MDGA2: variants seen among roughly 807,000 people sequenced by gnomAD.
MDGA2 encodes MAM domain-containing glycosylphosphatidylinositol anchor protein 2.
Under a neutral mutation model 117.8 loss-of-function variants are expected in MDGA2, and 40 were observed. The observed-to-expected ratio is 0.34, with a 90% CI of 0.26 to 0.44. The LOEUF (loss-of-function observed/expected upper bound fraction) is 0.44. MDGA2 is among the 20% of genes least tolerant of loss of function. MDGA2 has a pLI of 1.00. For synonymous variants in MDGA2, 452 were observed against 439.0 expected, an observed-to-expected ratio of 1.03 and a Z score of -0.37; for missense variants, 1,123 against 1,250.6, an observed-to-expected ratio of 0.90 and a Z score of 1.54.
At chr14:47,200,873 A>C in intron 3 of MDGA2, 1 of 859,506 alleles carries the variant, frequency 1.2e-6, no homozygotes, top group Non-Finnish European at 2.0e-6. Flanking sequence ...GATGCCGTCA[A>C]ACACCTTAAG....
chr14:47,397,716 G>C (rs1410307051), intron 1 of MDGA2, among the ~76,000 whole-genome samples: 1 of 151,944 alleles, frequency 6.6e-6, no homozygotes, highest in East Asian at 1.9e-4. Context: ...TGCAAACATA[G>C]AGATATTTAT....
chr14:47,190,178 G>A (rs1031701957), intron 3 of MDGA2, among the ~76,000 whole-genome samples: 3 of 152,112 alleles, frequency 2.0e-5, no homozygotes, highest in Admixed American at 6.6e-5. Flanking sequence ...TTTTGTTTCC[G>A]TATAGTTCCT....
chr14:46,994,228 A>G (rs2138446440), intron 8 of MDGA2, among the ~76,000 whole-genome samples: 1 of 152,196 alleles, frequency 6.6e-6, no homozygotes, highest in South Asian at 2.1e-4. Context: ...GAAGCCTCAC[A>G]CTCGGAACCC....
chr14:46,879,508 T>C (rs555427408), intron 11 of MDGA2, among the ~76,000 whole-genome samples: 2 of 151,838 alleles, frequency 1.3e-5, no homozygotes, highest in Non-Finnish European at 2.9e-5. Context: ...TATGCCTAAG[T>C]ATGTAAAAAC....
chr14:47,531,191 G>A (rs1330353628), intron 1 of MDGA2, among the ~76,000 whole-genome samples: 2 of 152,198 alleles, frequency 1.3e-5, no homozygotes, highest in Admixed American at 6.5e-5. Context: ...CTTGCAGTGA[G>A]CCAAGATCAT....
chr14:46,941,959 C>G (rs919379795), intron 9 of MDGA2, among the ~76,000 whole-genome samples: 4 of 152,174 alleles, frequency 2.6e-5, no homozygotes, highest in Admixed American at 6.6e-5. Flanking sequence ...CATTATTTTA[C>G]ACAGCAGTGA....
chr14:47,013,545 C>A (rs897010403), intron 8 of MDGA2, among the ~76,000 whole-genome samples: 1 of 151,584 alleles, frequency 6.6e-6, no homozygotes, highest in Non-Finnish European at 1.5e-5. Flanking sequence ...ATATTTTGAC[C>A]TCCTCTTATG....
chr14:47,575,805 A>G (rs896407544), intron 1 of MDGA2, among the ~76,000 whole-genome samples: 3 of 152,174 alleles, frequency 2.0e-5, no homozygotes, highest in Admixed American at 1.3e-4. Context: ...ACAATTTAAT[A>G]TTGTGCTTCT....
intron 8 of MDGA2, among the ~76,000 whole-genome samples, chr14:46,998,307 A>C (rs1388195364): frequency 2.0e-5 from 3 of 151,938 alleles, no homozygotes; most frequent in African/African-American, 7.2e-5. Flanking sequence ...AAAAAATAAT[A>C]ATTTATCTGT....
At chr14:47,322,671 A>G (rs1047262983) in intron 1 of MDGA2, among the ~76,000 whole-genome samples, 26 of 152,122 alleles carry the variant, frequency 1.7e-4, no homozygotes, top group African/African-American at 5.3e-4. Context: ...CTCAGATTCT[A>G]TTTACCATGT....
At chr14:47,206,811 C>A (rs575442378) in intron 3 of MDGA2, among the ~76,000 whole-genome samples, 2 of 151,972 alleles carry the variant, frequency 1.3e-5, no homozygotes, top group South Asian at 4.2e-4. Flanking sequence ...ATCACTTGAG[C>A]CCAGAAGTTC....
chr14:47,000,874 A>G (rs1015001311), intron 8 of MDGA2, among the ~76,000 whole-genome samples: 1 of 152,058 alleles, frequency 6.6e-6, no homozygotes, highest in African/African-American at 2.4e-5. Flanking sequence ...TTCTTTGATT[A>G]TTAAAGTAAG....
intron 8 of MDGA2, chr14:46,996,534 T>C (rs1887299509): frequency 6.6e-6 from 1 of 152,608 alleles, no homozygotes; most frequent in African/African-American, 2.4e-5. Flanking sequence ...TTGTACTCTG[T>C]ACCAGATCTC....
intron 8 of MDGA2, among the ~76,000 whole-genome samples, chr14:46,977,305 T>A (rs965397978): frequency 6.6e-6 from 1 of 151,768 alleles, no homozygotes; most frequent in African/African-American, 2.4e-5. Context: ...AAGGATGATA[T>A]GAATGGGAGG....
chr14:46,957,672 A>G, intron 8 of MDGA2, 29 bp from the exon 9 acceptor site: 1 of 1,611,138 alleles, frequency 6.2e-7, no homozygotes. Flanking sequence ...AAAACAGATG[A>G]AAGATGTGAC....
In MDGA2 at chr14:47,025,403, G is replaced by A. The variant is rs569135048; in HGVS notation, c.1819+9608C>T. 7.2e-5 allele frequency among the ~76,000 whole-genome samples: 11 copies of A among 152,192 alleles called. No homozygotes were observed. The South Asian group carries it at 1.9e-3, about 26-fold the overall frequency. On this transcript the variant is annotated intron_variant, in intron 8 of 16. Coordinates refer to ENST00000399232, the MANE Select transcript of MDGA2 (RefSeq NM_001113498.3). ...CTTGTAACTGGCATGTCTCTTCAAG[G>A]ACCCTGGAAATTCTGCCTATAGATT...
chr14:47,511,187 T>A (rs1894632999), intron 1 of MDGA2, among the ~76,000 whole-genome samples: 1 of 152,160 alleles, frequency 6.6e-6, no homozygotes, highest in Non-Finnish European at 1.5e-5. Flanking sequence ...AAACAAACCT[T>A]ACTATAATGA....
intron 7 of MDGA2, among the ~76,000 whole-genome samples, chr14:47,036,954 AT>A (rs1346861610): frequency 3.9e-5 from 6 of 152,238 alleles, no homozygotes; most frequent in Non-Finnish European, 8.8e-5. Context: ...CACCACCACC[AT>A]TTTGAAGTAG....
chr14:47,580,469 C>T (rs1243546658), intron 1 of MDGA2, among the ~76,000 whole-genome samples: 3 of 151,932 alleles, frequency 2.0e-5, no homozygotes, highest in Non-Finnish European at 4.4e-5. Context: ...TGAGGGTATA[C>T]AAATATCTAG....
Sources: gnomAD v4.1 joint callset for allele counts (sites outside exome capture counted in the v4.1 genomes callset) on GRCh38, gnomAD v4.1.1 for gene constraint, MANE v1.5 for transcripts, NCBI Gene and HGNC (gene_info 2026-07-23, HGNC 2026-07-21) for gene names.